Variants in SYNJ2BP observed in about 807,000 individuals in gnomAD.
SYNJ2BP encodes synaptojanin 2 binding protein, also known as synaptojanin-2-binding protein.
A neutral mutation model predicts 16.9 loss-of-function variants in SYNJ2BP; 10 were observed. That is an observed-to-expected ratio of 0.59 (90% CI 0.36 to 1.00). The LOEUF (loss-of-function observed/expected upper bound fraction) is 1.00, where lower values mean the gene tolerates loss of function less well. Ranked by LOEUF, SYNJ2BP falls within the 50% of genes least tolerant of loss-of-function variation. The pLI is 0.01. For missense variants in SYNJ2BP, 162 were observed against 186.7 expected (o/e 0.87, Z 0.77); for synonymous variants, 54 against 68.4 (o/e 0.79, Z 1.04).
chr14:70,406,728 C>A (rs1888352576), intron 1 of SYNJ2BP, among the ~76,000 whole-genome samples: 1 of 152,114 alleles, frequency 6.6e-6, no homozygotes, highest in Admixed American at 6.5e-5. Flanking sequence ...AACAACACAG[C>A]ACAAGAGGAC....
chr14:70,374,341 A>G (rs1473132941), intron 3 of SYNJ2BP, among the ~76,000 whole-genome samples: 1 of 152,170 alleles, frequency 6.6e-6, no homozygotes, highest in Non-Finnish European at 1.5e-5. Context: ...TCTGCTTGCA[A>G]CTGGTTGTTT....
chr14:70,379,608 T>G (rs1012903498), intron 2 of SYNJ2BP, among the ~76,000 whole-genome samples: 20 of 152,228 alleles, frequency 1.3e-4, no homozygotes, highest in African/African-American at 4.6e-4. Context: ...GGACTTTAAT[T>G]TCATGTTATG....
intron 1 of SYNJ2BP, among the ~76,000 whole-genome samples, chr14:70,396,586 A>ATGTATG (rs1254112937): frequency 1.3e-5 from 2 of 151,046 alleles, no homozygotes; most frequent in African/African-American, 2.4e-5. Context: ...GTATGTATGT[A>ATGTATG]TGTATGTGTG....
At position 70,368,908 on chromosome 14, in the gene SYNJ2BP, G is replaced by A. The variant is rs1364819027; in HGVS notation, c.*4083C>T. The A allele has an allele frequency of 1.3e-5, 2 of 152,104 alleles. No homozygotes were observed. The highest frequency in any genetic ancestry group is 2.4e-5 in the African/African-American group (1 of 41,400). The allele number at this position is 152,104 out of a possible 1,614,324, so 9.4% of individuals were successfully genotyped here. On this transcript the variant is annotated 3_prime_UTR_variant, in exon 4 of 4. Transcript: ENST00000256366. ...TGATCTGTGTGCAGCCTGGGCATGG[G>A]GACGTTTATAAGCTCTCCAGATGAT...
intron 1 of SYNJ2BP, among the ~76,000 whole-genome samples, chr14:70,398,792 T>C (rs1888164282): frequency 3.3e-5 from 5 of 152,084 alleles, no homozygotes. Context: ...GGGTGGGGGC[T>C]CCAGGTCCTC....
At chr14:70,396,097 T>C (rs1461435870) in intron 1 of SYNJ2BP, among the ~76,000 whole-genome samples, 1 of 152,182 alleles carries the variant, frequency 6.6e-6, no homozygotes, top group Admixed American at 6.5e-5. Flanking sequence ...TACAAATATC[T>C]GTTTTGAGTT....
At position 70,388,486 on chromosome 14, in the gene SYNJ2BP, C is replaced by A; in HGVS notation, c.185G>T (p.Gly62Val). The change falls in exon 2 of 4, where the codon GGT becomes GTT. Residue 62 changes from glycine (G) to valine (V), a missense_variant. Gly to Val is a moderately radical substitution (Grantham distance 109). Transcript: ENST00000256366. The part of the protein sequence containing the change: ...AAALDGRLQE[G>V]DKILSVNGQD... The stretch of plus-strand genomic sequence containing the variant: ...CATTCTCACCGAAAGGATCTTATCA[C>A]CCTCCTGGAGCCGCCCATCCAGGGC... 1.3e-6 allele frequency: 2 copies of A among 1,579,040 alleles called. No individual in the cohort carries two copies. Among genetic ancestry groups the A allele is most frequent in the Non-Finnish European group, 8.6e-7 (1 of 1,165,026 alleles).
chr14:70,390,673 A>AT lies in SYNJ2BP; in HGVS notation c.65-2068_65-2067insA, dbSNP rs538094985. On this transcript the variant is annotated intron_variant, in intron 1 of 3. Coordinates refer to ENST00000256366, the MANE Select transcript of SYNJ2BP (RefSeq NM_018373.3). ...ACAGAGCAAGACTCCATCTCAAAAA[A>AT]AAAAATAAAAAAGAGACATATGCGG... 1.4e-4 allele frequency among the ~76,000 whole-genome samples: 21 copies of AT among 151,974 alleles called. No homozygotes were observed. In the South Asian group the frequency reaches 2.1e-3, roughly 15 times the overall value.
chr14:70,372,851 T>A lies in SYNJ2BP; in HGVS notation c.*140A>T. 2.4e-6 allele frequency: 3 copies of A among 1,254,284 alleles called. No homozygotes were observed. The South Asian group carries it at 4.4e-5, about 18-fold the overall frequency. 77.7% of individuals were successfully genotyped at this position (1,254,284 alleles called of 1,614,324 possible). On this transcript the variant is annotated 3_prime_UTR_variant, in exon 4 of 4. Transcript: ENST00000256366. ...CATTAGAATATGAAGAATTGGAGAC[T>A]GTGAACAGCAAGGTTTGGGGTGGGT... is the stretch of plus-strand genomic sequence containing the variant.
At chr14:70,404,106 C>G (rs1300872495) in intron 1 of SYNJ2BP, among the ~76,000 whole-genome samples, 1 of 151,964 alleles carries the variant, frequency 6.6e-6, no homozygotes, top group Non-Finnish European at 1.5e-5. Flanking sequence ...TAGCTAACAT[C>G]CATAAGGCCA....
intron 1 of SYNJ2BP, among the ~76,000 whole-genome samples, chr14:70,406,443 C>T (rs1008312294): frequency 2.6e-5 from 4 of 152,128 alleles, no homozygotes; most frequent in African/African-American, 9.7e-5. Flanking sequence ...GATAACAGCC[C>T]TTTGCTGAAA....
chr14:70,376,896 A>C, intron 2 of SYNJ2BP, among the ~76,000 whole-genome samples: 1 of 151,954 alleles, frequency 6.6e-6, no homozygotes, highest in African/African-American at 2.4e-5. Context: ...CAACTCTCTC[A>C]TTTTCCTTGT....
intron 1 of SYNJ2BP, among the ~76,000 whole-genome samples, chr14:70,398,384 C>G (rs9788537): frequency 0.87 from 132,989 of 152,204 alleles, 58,169 homozygotes; most frequent in East Asian, 0.93. Context: ...TGGCGACCAG[C>G]CTGTTTGTGC....
At chr14:70,383,783 T>TG (rs1226387095) in intron 2 of SYNJ2BP, among the ~76,000 whole-genome samples, 2 of 152,140 alleles carry the variant, frequency 1.3e-5, no homozygotes, top group African/African-American at 4.8e-5. Flanking sequence ...AAATGAACCA[T>TG]GGGTGAGGAA....
intron 1 of SYNJ2BP, among the ~76,000 whole-genome samples, chr14:70,404,242 A>T (rs1009366802): frequency 2.6e-5 from 4 of 152,104 alleles, no homozygotes; most frequent in Non-Finnish European, 5.9e-5. Context: ...TAATAGCACC[A>T]CTCTACTCCA....
At chr14:70,403,941 CTT>C (rs755532186) in intron 1 of SYNJ2BP, among the ~76,000 whole-genome samples, 61 of 152,180 alleles carry the variant, frequency 4.0e-4, no homozygotes, top group Middle Eastern at 3.4e-3. Flanking sequence ...ACTCAAATGC[CTT>C]TTAGTTCACA....
At chr14:70,409,077 G>A (rs1488855162) in intron 1 of SYNJ2BP, among the ~76,000 whole-genome samples, 1 of 152,040 alleles carries the variant, frequency 6.6e-6, no homozygotes, top group Non-Finnish European at 1.5e-5. Context: ...GTTTTGTTTT[G>A]TTTTGCTTTG....
intron 2 of SYNJ2BP, among the ~76,000 whole-genome samples, chr14:70,387,779 C>T (rs1887891529): frequency 6.9e-6 from 1 of 145,162 alleles, no homozygotes; most frequent in African/African-American, 2.6e-5. Flanking sequence ...TGCGGTGAGC[C>T]AAGATTACGA....
intron 1 of SYNJ2BP, among the ~76,000 whole-genome samples, chr14:70,397,885 CAA>C (rs1335512864): frequency 1.3e-5 from 2 of 152,238 alleles, no homozygotes; most frequent in African/African-American, 4.8e-5. Context: ...GTCAGCAAGT[CAA>C]AGAGGAGCTT....
Sources: gnomAD v4.1 joint callset for allele counts (sites outside exome capture counted in the v4.1 genomes callset) on GRCh38, gnomAD v4.1.1 for gene constraint, MANE v1.5 for transcripts, NCBI Gene and HGNC (gene_info 2026-07-23, HGNC 2026-07-21) for gene names.